CNTN1: variants seen among roughly 807,000 people sequenced by gnomAD.
CNTN1 encodes contactin-1.
Under a neutral mutation model 126.4 loss-of-function variants are expected in CNTN1, and 38 were observed. The ratio of observed to expected loss-of-function variants is 0.30; its 90% CI spans 0.23 to 0.39. The LOEUF (loss-of-function observed/expected upper bound fraction) is 0.39. CNTN1 is among the 10% of genes least tolerant of loss of function. CNTN1 has a pLI of 1.00. For missense variants in CNTN1, 1,009 were observed against 1,248.4 expected, an observed-to-expected ratio of 0.81 and a Z score of 2.89; for synonymous variants, 413 against 422.6, an observed-to-expected ratio of 0.98 and a Z score of 0.28.
At chr12:40,782,809 G>A (rs1337425463) in intron 1 of CNTN1, among the ~76,000 whole-genome samples, 2 of 151,830 alleles carry the variant, frequency 1.3e-5, no homozygotes, top group Non-Finnish European at 2.9e-5. Context: ...AATCTATATG[G>A]GGTAGCCAAA....
chr12:40,763,795 C>A (rs577692711), intron 1 of CNTN1, among the ~76,000 whole-genome samples: 2 of 152,298 alleles, frequency 1.3e-5, no homozygotes, highest in African/African-American at 4.8e-5. Flanking sequence ...ATTATCCTCA[C>A]AATCACAAAA....
chr12:40,964,247 G>T (rs947029589), intron 15 of CNTN1, among the ~76,000 whole-genome samples: 1 of 151,792 alleles, frequency 6.6e-6, no homozygotes, highest in African/African-American at 2.4e-5. Flanking sequence ...AATGACGTTT[G>T]TTCACTCAAA....
rs192565385 is a variant in CNTN1, at chr12:41,050,574, A to G, written c.2981-19385A>G. ...CCTTCCACCAGGTCCCTCCCCCAACACTGGGGATTACAGTTCAATCTGAGA... is the reference window on the plus strand; with the variant it reads ...CCTTCCACCAGGTCCCTCCCCCAACGCTGGGGATTACAGTTCAATCTGAGA... On this transcript the variant is annotated intron_variant, in intron 23 of 23. Transcript: ENST00000551295. Among the ~76,000 whole-genome samples, 525 of 152,212 alleles carry G rather than the reference A, an allele frequency of 3.4e-3. 2 individuals carry two copies. The highest frequency in any genetic ancestry group is 0.012 in the African/African-American group (489 of 41,536).
intron 17 of CNTN1, among the ~76,000 whole-genome samples, chr12:41,012,333 A>T (rs1299754048): frequency 6.6e-6 from 1 of 152,216 alleles, no homozygotes; most frequent in African/African-American, 2.4e-5. Context: ...TTACTATGAC[A>T]TTATCTGATC....
chr12:40,698,228 A>ATTTTTTTTTTTTTTTTTTTT (rs35570862), intron 1 of CNTN1, among the ~76,000 whole-genome samples: 5 of 69,866 alleles, frequency 7.2e-5, no homozygotes, highest in African/African-American at 2.9e-4. Flanking sequence ...CAGCCACTTA[A>ATTTTTTTTTTTTTTTTTTTT]TTTTTTTTTT....
chr12:40,715,252 A>G (rs1942021456), intron 1 of CNTN1, among the ~76,000 whole-genome samples: 1 of 152,102 alleles, frequency 6.6e-6, no homozygotes, highest in Non-Finnish European at 1.5e-5. Context: ...TGATGGTGGT[A>G]CTGCTTTTTT....
chr12:40,766,131 G>T (rs141275591), intron 1 of CNTN1, among the ~76,000 whole-genome samples: 1 of 152,136 alleles, frequency 6.6e-6, no homozygotes, highest in Admixed American at 6.5e-5. Context: ...GCCGAGGCCC[G>T]CAGATCACTT....
chr12:41,045,947 CAGG>C (rs1324722628), intron 23 of CNTN1, among the ~76,000 whole-genome samples: 2 of 152,036 alleles, frequency 1.3e-5, no homozygotes, highest in South Asian at 2.1e-4. Context: ...GTCACATGGC[CAGG>C]AGAAGTAAGA....
At chr12:40,786,566 T>C (rs1485053633) in intron 1 of CNTN1, among the ~76,000 whole-genome samples, 1 of 152,152 alleles carries the variant, frequency 6.6e-6, no homozygotes, top group Non-Finnish European at 1.5e-5. Flanking sequence ...CTTTGAATAT[T>C]ATTAGTAGAA....
chr12:40,760,149 G>T (rs140600391), intron 1 of CNTN1, among the ~76,000 whole-genome samples: 80 of 151,998 alleles, frequency 5.3e-4, no homozygotes, highest in African/African-American at 1.8e-3. Context: ...GTTTGTTTTG[G>T]TTTTTTGCTT....
intron 1 of CNTN1, among the ~76,000 whole-genome samples, chr12:40,854,773 T>G (rs560052814): frequency 5.0e-4 from 76 of 152,208 alleles, no homozygotes; most frequent in African/African-American, 1.7e-3. Flanking sequence ...AATTGAGACC[T>G]AAGTGATAAT....
chr12:41,029,865 T>C (rs1244476271), intron 23 of CNTN1, among the ~76,000 whole-genome samples: 3 of 152,080 alleles, frequency 2.0e-5, no homozygotes, highest in African/African-American at 7.2e-5. Flanking sequence ...TCTCACACCT[T>C]TGTTTGATTT....
At chr12:41,032,768 T>A (rs1949174897) in intron 23 of CNTN1, among the ~76,000 whole-genome samples, 1 of 152,216 alleles carries the variant, frequency 6.6e-6, no homozygotes, top group Admixed American at 6.5e-5. Context: ...TGTAAAATTA[T>A]CTTATTTATT....
At chr12:40,767,660 G>A (rs557109712) in intron 1 of CNTN1, among the ~76,000 whole-genome samples, 2 of 150,130 alleles carry the variant, frequency 1.3e-5, no homozygotes, top group East Asian at 2.0e-4. Context: ...TTGAGACGGC[G>A]TCTTGCTCTG....
chr12:40,990,760 T>C (rs955327569), intron 16 of CNTN1, among the ~76,000 whole-genome samples: 1 of 152,210 alleles, frequency 6.6e-6, no homozygotes, highest in African/African-American at 2.4e-5. Context: ...CCCTTACCTG[T>C]TGACCTCCCA....
At chr12:40,801,345 G>T (rs1940645672) in intron 1 of CNTN1, among the ~76,000 whole-genome samples, 1 of 151,988 alleles carries the variant, frequency 6.6e-6, no homozygotes, top group South Asian at 2.1e-4. Flanking sequence ...TCTGATAAAT[G>T]AAAGTCAAAT....
rs552200247 is a variant in CNTN1 at position 40,757,344 on chromosome 12, G to A, written c.-77+64752G>A. Among the ~76,000 whole-genome samples, 7 of 151,824 alleles carry A rather than the reference G, an allele frequency of 4.6e-5. No individual in the cohort carries two copies. The South Asian group carries it at 1.3e-3, about 28-fold the overall frequency. On this transcript the variant is annotated intron_variant, in intron 1 of 23. Transcript: ENST00000551295. ...GAAATATTATCTTCCACATTCCTGTGACTTCTTTCAGAATCCAAATATATT... is the reference window on the plus strand; with the variant it reads ...GAAATATTATCTTCCACATTCCTGTAACTTCTTTCAGAATCCAAATATATT...
At chr12:40,742,688 C>T (rs1237568905) in intron 1 of CNTN1, among the ~76,000 whole-genome samples, 1 of 151,910 alleles carries the variant, frequency 6.6e-6, no homozygotes, top group Non-Finnish European at 1.5e-5. Context: ...TGTCCTTTGA[C>T]TTCTATTCCT....
At chr12:41,029,896 C>G (rs1479677274) in intron 23 of CNTN1, among the ~76,000 whole-genome samples, 3 of 151,812 alleles carry the variant, frequency 2.0e-5, no homozygotes, top group African/African-American at 4.8e-5. Flanking sequence ...ATATTTGAGG[C>G]AGTCATTTCT....
Sources: allele counts gnomAD v4.1 joint callset (sites outside exome capture counted in the v4.1 genomes callset), GRCh38; gene constraint gnomAD v4.1.1; transcripts MANE v1.5; gene names NCBI Gene and HGNC (gene_info 2026-07-23, HGNC 2026-07-21).